Variants in HRH1 observed in about 807,000 individuals in gnomAD.
HRH1 encodes histamine receptor H1, also known as histamine H1 receptor.
HRH1 carries 6 observed loss-of-function variants against 10.3 expected under a neutral mutation model. That is an observed-to-expected ratio of 0.58 (90% CI 0.32 to 1.15). The LOEUF (loss-of-function observed/expected upper bound fraction) is 1.15. Ranked by LOEUF, HRH1 falls within the 50% of genes most tolerant of loss-of-function variation. The pLI, the probability that HRH1 is intolerant of heterozygous loss-of-function variation, is 0.05. For missense variants in HRH1, 514 were observed against 615.3 expected (o/e 0.84, Z 1.74); for synonymous variants, 242 against 236.7 (o/e 1.02, Z -0.21).
chr3:11,206,070 T>A (rs1023120544), intron 1 of HRH1, among the ~76,000 whole-genome samples: 1 of 152,212 alleles, frequency 6.6e-6, no homozygotes, highest in Non-Finnish European at 1.5e-5. Context: ...ACCCGGCAGC[T>A]GGGCTCTTGC....
chr3:11,184,276 T>C (rs1407555761), intron 1 of HRH1, among the ~76,000 whole-genome samples: 4 of 152,182 alleles, frequency 2.6e-5, no homozygotes, highest in African/African-American at 4.8e-5. Flanking sequence ...ACACAACCTA[T>C]GAGGCAGATG....
At chr3:11,215,614 G>A (rs1430403811) in intron 1 of HRH1, among the ~76,000 whole-genome samples, 1 of 152,058 alleles carries the variant, frequency 6.6e-6, no homozygotes, top group Admixed American at 6.5e-5. Context: ...CTAATTTTTT[G>A]TATTTTTTAG....
intron 1 of HRH1, among the ~76,000 whole-genome samples, chr3:11,239,177 T>A (rs940890017): frequency 6.6e-6 from 1 of 152,210 alleles, no homozygotes; most frequent in African/African-American, 2.4e-5. Flanking sequence ...ACACTTGTTA[T>A]TGTCCTTCTT....
chr3:11,238,085 A>AT (rs1465803708), intron 1 of HRH1, among the ~76,000 whole-genome samples: 2 of 151,460 alleles, frequency 1.3e-5, no homozygotes, highest in East Asian at 3.9e-4. Context: ...TAGTGATAAT[A>AT]TCCTTCAGTT....
chr3:11,242,099 G>C (rs1048054694), intron 1 of HRH1, among the ~76,000 whole-genome samples: 4 of 152,086 alleles, frequency 2.6e-5, no homozygotes, highest in African/African-American at 9.7e-5. Flanking sequence ...AATCCGCTTG[G>C]GTCACCTTCT....
intron 1 of HRH1, among the ~76,000 whole-genome samples, chr3:11,144,345 A>ATGTGTGTGTG (rs112938608): frequency 2.1e-4 from 29 of 139,958 alleles, no homozygotes; most frequent in African/African-American, 7.6e-4. Context: ...TGATATGTAT[A>ATGTGTGTGTG]TGTGTGTGTG....
intron 1 of HRH1, among the ~76,000 whole-genome samples, chr3:11,155,483 G>A (rs1323614943): frequency 2.0e-5 from 3 of 152,090 alleles, no homozygotes; most frequent in Non-Finnish European, 4.4e-5. Context: ...CCAGCCCCCA[G>A]TCCTCCATGA....
chr3:11,232,649 T>C (rs1387990644), intron 1 of HRH1, among the ~76,000 whole-genome samples: 3 of 152,204 alleles, frequency 2.0e-5, no homozygotes, highest in Admixed American at 6.5e-5. Context: ...TTTAGAAGAG[T>C]CTTGTCTATA....
intron 1 of HRH1, among the ~76,000 whole-genome samples, chr3:11,177,486 C>T (rs762033634): frequency 6.6e-6 from 1 of 152,124 alleles, no homozygotes; most frequent in Non-Finnish European, 1.5e-5. Context: ...TCACCTCATT[C>T]GTGAATTATC....
chr3:11,146,479 T>C lies in HRH1; in HGVS notation c.-36+9080T>C, dbSNP rs114108713. 2.1e-3 allele frequency among the ~76,000 whole-genome samples: 316 copies of C among 152,264 alleles called. 1 individual carries two copies. Among genetic ancestry groups the C allele is most frequent in the African/African-American group, 7.3e-3 (305 of 41,554 alleles). On this transcript the variant is annotated intron_variant, in intron 1 of 1. Coordinates refer to the HRH1 transcript ENST00000438284. ...TTGTGCATTGATGAGATGGTCCCTA[T>C]GGGGAAATGCAAGGGATTTAGGAGC...
At chr3:11,254,885 A>T (rs540829354) in intron 1 of HRH1, among the ~76,000 whole-genome samples, 2 of 152,396 alleles carry the variant, frequency 1.3e-5, no homozygotes, top group East Asian at 3.9e-4. Context: ...TCCCTAATGC[A>T]GTTCCTAGCA....
rs770097130 is a variant in HRH1 at position 11,260,533 on chromosome 3, C to T, written c.*32C>T. On this transcript the variant is annotated 3_prime_UTR_variant, in exon 2 of 2. Coordinates refer to ENST00000431010, the MANE Select transcript of HRH1 (RefSeq NM_001098212.2). ...CTCTGAGGGGATGCAACAAAATGAT[C>T]CTTATGATGTCCAACAAGGAAATAG... 1.3e-6 allele frequency: 2 copies of T among 1,532,632 alleles called. No individual in the cohort carries two copies. Among genetic ancestry groups the T allele is most frequent in the Non-Finnish European group, 1.8e-6 (2 of 1,138,944 alleles). The allele number at this position is 1,532,632 out of a possible 1,614,324, so 94.9% of individuals were successfully genotyped here.
At chr3:11,251,082 C>G (rs1246213126) in intron 1 of HRH1, among the ~76,000 whole-genome samples, 2 of 152,128 alleles carry the variant, frequency 1.3e-5, no homozygotes, top group Non-Finnish European at 2.9e-5. Flanking sequence ...TTTCTTTTAA[C>G]TTTTCTTTTT....
At chr3:11,238,544 T>C (rs1939249808) in intron 1 of HRH1, among the ~76,000 whole-genome samples, 1 of 152,236 alleles carries the variant, frequency 6.6e-6, no homozygotes, top group South Asian at 2.1e-4. Context: ...AACAACTTGA[T>C]TGAGGTGTAA....
chr3:11,240,257 C>G (rs974612076), intron 1 of HRH1, among the ~76,000 whole-genome samples: 5 of 151,962 alleles, frequency 3.3e-5, no homozygotes, highest in African/African-American at 1.2e-4. Flanking sequence ...TGGGGGCTTA[C>G]AAAATTTATT....
chr3:11,149,381 C>T (rs796993642), intron 1 of HRH1, among the ~76,000 whole-genome samples: 4 of 152,296 alleles, frequency 2.6e-5, no homozygotes, highest in African/African-American at 9.6e-5. Context: ...CACTTAATAA[C>T]ACAGGAAGAG....
At chr3:11,142,814 T>C (rs1936317719) in intron 1 of HRH1, among the ~76,000 whole-genome samples, 1 of 151,990 alleles carries the variant, frequency 6.6e-6, no homozygotes, top group African/African-American at 2.4e-5. Flanking sequence ...CCTGGGAGGC[T>C]GAGGCAGGAG....
intron 1 of HRH1, among the ~76,000 whole-genome samples, chr3:11,186,460 A>G (rs935756473): frequency 1.3e-5 from 2 of 152,086 alleles, no homozygotes; most frequent in African/African-American, 4.8e-5. Flanking sequence ...TATTATAACC[A>G]TTTTGCAGAA....
chr3:11,155,670 G>A (rs944138759), intron 1 of HRH1, among the ~76,000 whole-genome samples: 6 of 152,170 alleles, frequency 3.9e-5, no homozygotes, highest in Non-Finnish European at 8.8e-5. Context: ...AGGTTTTCAG[G>A]CTGGAAGGTG....
Sources: gnomAD v4.1 joint callset for allele counts (sites outside exome capture counted in the v4.1 genomes callset) on GRCh38, gnomAD v4.1.1 for gene constraint, MANE v1.5 for transcripts, NCBI Gene and HGNC (gene_info 2026-07-23, HGNC 2026-07-21) for gene names.